Variants in PRKG1 observed in about 807,000 individuals in gnomAD.
PRKG1 encodes the protein protein kinase cGMP-dependent 1.
Under a neutral mutation model 88.1 loss-of-function variants are expected in PRKG1, and 35 were observed. That is an observed-to-expected ratio of 0.40 (90% CI 0.30 to 0.53). The LOEUF (loss-of-function observed/expected upper bound fraction) is 0.53. PRKG1 is among the 20% of genes least tolerant of loss of function. PRKG1 has a pLI of 0.59. For synonymous variants in PRKG1, 303 were observed against 292.5 expected (o/e 1.04, Z -0.37); for missense variants, 540 against 839.8 (o/e 0.64, Z 4.41).
chr10:51,285,037 C>T (rs575349226), intron 2 of PRKG1, among the ~76,000 whole-genome samples: 500 of 1,510 alleles, frequency 0.33, 12 homozygotes, highest in Non-Finnish European at 0.44. Context: ...CAATGCTACC[C>T]CTCCCGCCCT....
At chr10:52,102,086 A>G (rs1018814882) in intron 7 of PRKG1, among the ~76,000 whole-genome samples, 6 of 152,334 alleles carry the variant, frequency 3.9e-5, no homozygotes, top group Admixed American at 1.3e-4. Flanking sequence ...GCTAAAGAAC[A>G]TGAACCCCTT....
chr10:51,183,411 A>G (rs888213845), intron 2 of PRKG1, among the ~76,000 whole-genome samples: 11 of 152,222 alleles, frequency 7.2e-5, no homozygotes, highest in African/African-American at 2.4e-4. Flanking sequence ...TTAAGTTCCA[A>G]TGGAGCTCAC....
intron 3 of PRKG1, chr10:51,695,648 A>C (rs1045767): frequency 6.6e-6 from 1 of 152,110 alleles, no homozygotes; most frequent in African/African-American, 2.4e-5. Flanking sequence ...AGTATTAAGC[A>C]TAACTATCAC....
At chr10:51,318,743 T>A (rs1472383188) in intron 2 of PRKG1, among the ~76,000 whole-genome samples, 1 of 152,202 alleles carries the variant, frequency 6.6e-6, no homozygotes, top group African/African-American at 2.4e-5. Flanking sequence ...TAGAGTATAT[T>A]ATGTTTAAAT....
At chr10:51,234,300 A>C (rs1221961402) in intron 2 of PRKG1, among the ~76,000 whole-genome samples, 2 of 152,094 alleles carry the variant, frequency 1.3e-5, no homozygotes, top group Non-Finnish European at 2.9e-5. Flanking sequence ...CTCACCTTTA[A>C]CTAATGAATT....
At chr10:51,195,313 G>A (rs1030258133) in intron 2 of PRKG1, among the ~76,000 whole-genome samples, 1 of 152,154 alleles carries the variant, frequency 6.6e-6, no homozygotes, top group Non-Finnish European at 1.5e-5. Flanking sequence ...CCTGAGGCAG[G>A]TTAGTGTTAC....
chr10:50,998,449 T>C (rs985477934), intron 1 of PRKG1, among the ~76,000 whole-genome samples: 1 of 152,214 alleles, frequency 6.6e-6, no homozygotes, highest in Non-Finnish European at 1.5e-5. Flanking sequence ...TCGTTCATGT[T>C]GAAAATACAT....
At chr10:51,940,438 T>C (rs1198204865) in intron 5 of PRKG1, among the ~76,000 whole-genome samples, 2 of 151,884 alleles carry the variant, frequency 1.3e-5, no homozygotes, top group African/African-American at 4.8e-5. Context: ...AGAGACCCTT[T>C]TGATGTGATA....
chr10:51,357,477 T>G (rs1452876779), intron 2 of PRKG1, among the ~76,000 whole-genome samples: 6 of 151,956 alleles, frequency 3.9e-5, no homozygotes, highest in Non-Finnish European at 5.9e-5. Context: ...CTGAAATCTT[T>G]TGGCAGAATC....
At chr10:51,760,885 C>T (rs117117579) in intron 3 of PRKG1, among the ~76,000 whole-genome samples, 3,329 of 152,130 alleles carry the variant, frequency 0.022, 54 homozygotes, top group Non-Finnish European at 0.031. Context: ...GAGGCTGAAG[C>T]GGGTGGATCA....
At chr10:51,587,496 G>A (rs540426484) in intron 3 of PRKG1, among the ~76,000 whole-genome samples, 231 of 152,250 alleles carry the variant, frequency 1.5e-3, no homozygotes, top group African/African-American at 5.2e-3. Context: ...TTAAATTAAA[G>A]GATGAAGTGG....
At chr10:51,827,692 CAT>C (rs1187946264) in intron 4 of PRKG1, among the ~76,000 whole-genome samples, 3 of 151,992 alleles carry the variant, frequency 2.0e-5, no homozygotes, top group African/African-American at 7.2e-5. Flanking sequence ...AAAGAAAAAA[CAT>C]ATTGCTATGT....
intron 5 of PRKG1, among the ~76,000 whole-genome samples, chr10:51,952,343 A>G (rs1169871247): frequency 2.0e-5 from 3 of 152,194 alleles, no homozygotes; most frequent in African/African-American, 7.2e-5. Context: ...AAATTTGGGA[A>G]TCACTTGTGC....
intron 1 of PRKG1, among the ~76,000 whole-genome samples, chr10:51,108,412 A>T (rs531610395): frequency 6.6e-6 from 1 of 152,298 alleles, no homozygotes; most frequent in South Asian, 2.1e-4. Context: ...CATTATCCCC[A>T]CTGGTGTACA....
intron 9 of PRKG1, among the ~76,000 whole-genome samples, chr10:52,202,859 T>C (rs1196818505): frequency 6.6e-6 from 1 of 152,108 alleles, no homozygotes; most frequent in African/African-American, 2.4e-5. Context: ...TTTTGTGGAG[T>C]CAGTGGCATT....
At chr10:52,170,448 A>C (rs1165984186) in intron 9 of PRKG1, among the ~76,000 whole-genome samples, 3 of 152,060 alleles carry the variant, frequency 2.0e-5, no homozygotes, top group African/African-American at 4.8e-5. Flanking sequence ...GCAAAACAGG[A>C]CCCTTATCAG....
At chr10:51,860,628 C>T (rs1222198144) in intron 4 of PRKG1, among the ~76,000 whole-genome samples, 2 of 152,150 alleles carry the variant, frequency 1.3e-5, no homozygotes, top group Non-Finnish European at 2.9e-5. Flanking sequence ...CCCATCACAT[C>T]GTGCTCTAAG....
At chr10:51,928,148 AG>A in intron 5 of PRKG1, among the ~76,000 whole-genome samples, 2 of 152,294 alleles carry the variant, frequency 1.3e-5, no homozygotes, top group East Asian at 3.9e-4. Context: ...CTTCTTAAAA[AG>A]CTCAAGGGCC....
chr10:51,360,557 T>A (rs1332058824), intron 2 of PRKG1, among the ~76,000 whole-genome samples: 1 of 151,948 alleles, frequency 6.6e-6, no homozygotes, highest in Non-Finnish European at 1.5e-5. Flanking sequence ...TAGTGATAGC[T>A]GCCTTATCAA....
Sources: allele counts gnomAD v4.1 joint callset (sites outside exome capture counted in the v4.1 genomes callset), GRCh38; gene constraint gnomAD v4.1.1; transcripts MANE v1.5; gene names NCBI Gene and HGNC (gene_info 2026-07-23, HGNC 2026-07-21).